The following SYTL5 variants were observed in gnomAD, a reference collection of about 807,000 sequenced individuals.
SYTL5 encodes the protein synaptotagmin like 5.
In SYTL5, 34 loss-of-function variants were observed where a neutral mutation model predicts 55.9. That is an observed-to-expected ratio of 0.61 (90% CI 0.46 to 0.81). The LOEUF (loss-of-function observed/expected upper bound fraction) is 0.81. Among genes scored for constraint, SYTL5 ranks in the 30% least tolerant of loss-of-function variants. The pLI is 0.00. For synonymous variants in SYTL5, 221 were observed against 188.7 expected, an observed-to-expected ratio of 1.17 and a Z score of -1.40; for missense variants, 637 against 546.7, an observed-to-expected ratio of 1.17 and a Z score of -1.65.
In SYTL5 at chrX:38,038,950, G is replaced by A. The variant is rs985848801; in HGVS notation, c.119+4942G>A. On this transcript the variant is annotated intron_variant, in intron 2 of 16. Transcript: ENST00000297875. ...AAAATTGTACTGAATCAATATTTTA[G>A]GCCTGACACCCAAATGTGCTTCACA... Among the ~76,000 whole-genome samples, 14 of 111,664 alleles carry A rather than the reference G, an allele frequency of 1.3e-4. 1 individual carries two copies. Among genetic ancestry groups the A allele is most frequent in the African/African-American group, 3.9e-4 (12 of 30,743 alleles).
At chrX:37,903,637 A>C in the SYTL5 span, among the ~76,000 whole-genome samples, 4 of 110,224 alleles carry the variant, frequency 3.6e-5, no homozygotes, top group Non-Finnish European at 7.6e-5. Flanking sequence ...CCAACATGGC[A>C]CATGTATACA....
At chrX:37,977,700 TCACACACACACA>T in the SYTL5 span, among the ~76,000 whole-genome samples, 175 of 82,518 alleles carry the variant, frequency 2.1e-3, no homozygotes, top group Middle Eastern at 6.5e-3. Flanking sequence ...GGACCAATGA[TCACACACACACA>T]CACACACACA....
intron 10 of SYTL5, chrX:38,103,148 G>A: frequency 1.1e-6 from 1 of 879,398 alleles, no homozygotes; most frequent in Non-Finnish European, 1.6e-6. Context: ...AAATTTCATG[G>A]TCTGGGAACT....
rs1042923598 is a variant in SYTL5 at position 38,048,382 on chromosome X, C to T, written c.120-5831C>T. Among the ~76,000 whole-genome samples the T allele has an allele frequency of 7.3e-5, 8 of 109,335 alleles. No individual in the cohort carries two copies. In the South Asian group the frequency reaches 2.0e-3, roughly 28 times the overall value. 94.9% of individuals were successfully genotyped at this position (109,335 alleles called of 115,157 possible). A position where few individuals can be genotyped will look rare whatever the true frequency, so the allele number is the denominator to read the frequency against. On this transcript the variant is annotated intron_variant, in intron 2 of 16. Coordinates refer to ENST00000297875, the MANE Select transcript of SYTL5 (RefSeq NM_138780.3). ...TTCTTCTGAGCCCTCCAAACTCTTC[C>T]GACCTCTGCCTGTTCCCCAGTTTCA...
In SYTL5 at chrX:38,125,442, C is replaced by T; in HGVS notation, c.1986C>T (p.Ile662=). The T allele has an allele frequency of 8.3e-7, 1 of 1,211,509 alleles. No individual in the cohort carries two copies. The highest frequency in any genetic ancestry group is 1.1e-6 in the Non-Finnish European group (1 of 895,188). Residue 662 remains isoleucine (I), a synonymous_variant, in exon 16 of 17, where the codon ATC becomes ATT. Coordinates refer to ENST00000297875, the MANE Select transcript of SYTL5 (RefSeq NM_138780.3). ...AGAATGTTTGCCTAGAACTTACTAT[C>T]TGGGACAAGGAGGCCTTTTCCAGCA... ...DIKNVCLELT[I]WDKEAFSSNI...
At chrX:38,078,558 C>T (rs1936447747) in intron 6 of SYTL5, among the ~76,000 whole-genome samples, 1 of 111,071 alleles carries the variant, frequency 9.0e-6, no homozygotes, top group African/African-American at 3.3e-5. Flanking sequence ...CCGCACCCGG[C>T]CAATGTTCCT....
chrX:37,916,947 G>A, the SYTL5 span, among the ~76,000 whole-genome samples: 2 of 111,163 alleles, frequency 1.8e-5, no homozygotes, highest in South Asian at 7.7e-4. Context: ...GGCTCCTTTT[G>A]GCTGTAACAT....
At chrX:37,890,785 C>T in the SYTL5 span, among the ~76,000 whole-genome samples, 3 of 112,112 alleles carry the variant, frequency 2.7e-5, no homozygotes, top group Non-Finnish European at 5.6e-5. Flanking sequence ...CCAATAAGCA[C>T]ACGAAAAGAT....
intron 2 of SYTL5, among the ~76,000 whole-genome samples, chrX:38,053,632 T>A (rs1461341482): frequency 8.9e-6 from 1 of 112,253 alleles, no homozygotes; most frequent in Non-Finnish European, 1.9e-5. Flanking sequence ...GTAGGCAATG[T>A]CTTTATTACT....
chrX:37,988,960 A>G, the SYTL5 span, among the ~76,000 whole-genome samples: 42 of 111,989 alleles, frequency 3.8e-4, no homozygotes, highest in Non-Finnish European at 7.0e-4. Flanking sequence ...GAGGAAAGAC[A>G]TAAATTGAGG....
At chrX:37,900,853 G>T in the SYTL5 span, among the ~76,000 whole-genome samples, 4 of 111,393 alleles carry the variant, frequency 3.6e-5, no homozygotes, top group African/African-American at 1.3e-4. Flanking sequence ...GTTTTTTTGT[G>T]TGTGGAGGGG....
chrX:38,005,877 C>T (rs1263276246), upstream of SYTL5, among the ~76,000 whole-genome samples: 1 of 111,653 alleles, frequency 9.0e-6, no homozygotes, highest in Non-Finnish European at 1.9e-5. Context: ...AATGGGTAAT[C>T]ACCTTGGCAG....
the SYTL5 span, among the ~76,000 whole-genome samples, chrX:37,912,683 C>G: frequency 0.33 from 36,627 of 111,189 alleles, 6,875 homozygotes; most frequent in African/African-American, 0.73. Context: ...TGCATACCAG[C>G]CACTGTGCAA....
chrX:38,078,269 T>TTTG (rs1434076555), intron 6 of SYTL5, among the ~76,000 whole-genome samples: 1 of 109,057 alleles, frequency 9.2e-6, no homozygotes. Flanking sequence ...TGTTTTTGTT[T>TTTG]TTTTTTTTTG....
At chrX:38,114,561 CAT>C (rs1319583662) in intron 13 of SYTL5, among the ~76,000 whole-genome samples, 4 of 111,504 alleles carry the variant, frequency 3.6e-5, no homozygotes, top group Non-Finnish European at 7.5e-5. Flanking sequence ...TGAATTGACA[CAT>C]AAAAATTGTA....
intron 3 of SYTL5, among the ~76,000 whole-genome samples, chrX:38,059,108 T>C (rs73632449): frequency 0.081 from 9,053 of 111,670 alleles, 615 homozygotes; most frequent in African/African-American, 0.2. Context: ...CTTCAGTTAC[T>C]GTGTTTTTCA....
chrX:38,060,878 G>C (rs1292382129), intron 3 of SYTL5, among the ~76,000 whole-genome samples: 1 of 111,404 alleles, frequency 9.0e-6, no homozygotes, highest in Non-Finnish European at 1.9e-5. Flanking sequence ...TAATTTTATT[G>C]GTGTAACAAT....
intron 8 of SYTL5, among the ~76,000 whole-genome samples, chrX:38,094,945 G>A (rs1478245219): frequency 3.6e-5 from 4 of 111,837 alleles, no homozygotes; most frequent in Admixed American, 2.8e-4. Flanking sequence ...TATCACAACA[G>A]TCCTCTGAAG....
the SYTL5 span, among the ~76,000 whole-genome samples, chrX:37,957,062 G>A: frequency 1.8e-5 from 2 of 111,755 alleles, no homozygotes; most frequent in African/African-American, 6.5e-5. Flanking sequence ...CTTTTTATAT[G>A]CCTCATGGCC....
Sources: allele counts gnomAD v4.1 joint callset (sites outside exome capture counted in the v4.1 genomes callset), GRCh38; gene constraint gnomAD v4.1.1; transcripts MANE v1.5; gene names NCBI Gene and HGNC (gene_info 2026-07-23, HGNC 2026-07-21).